The following FILIP1L variants were observed in gnomAD, a reference collection of about 807,000 sequenced individuals.
FILIP1L encodes the protein filamin A-interacting protein 1-like.
A neutral mutation model predicts 96.6 loss-of-function variants in FILIP1L; 55 were observed. The ratio of observed to expected loss-of-function variants is 0.57; its 90% CI spans 0.46 to 0.71. FILIP1L has a LOEUF of 0.71. Ranked by LOEUF, FILIP1L falls within the 30% of genes least tolerant of loss-of-function variation. The pLI is 0.00. For missense variants in FILIP1L, 1,304 were observed against 1,321.2 expected (o/e 0.99, Z 0.20); for synonymous variants, 467 against 473.9 (o/e 0.99, Z 0.19).
intron 4 of FILIP1L, 38 bp from the exon 5 acceptor site, chr3:99,851,108 G>T: frequency 1.3e-6 from 2 of 1,492,460 alleles, no homozygotes; most frequent in Non-Finnish European, 9.0e-7. Context: ...TGTGATTGAT[G>T]CTTTAGTAAC....
At chr3:99,883,643 T>G (rs571133316) in intron 4 of FILIP1L, among the ~76,000 whole-genome samples, 1 of 152,326 alleles carries the variant, frequency 6.6e-6, no homozygotes, top group Admixed American at 6.5e-5. Context: ...CCAAATGTTG[T>G]CATCATGTAC....
rs762244152 is a variant in FILIP1L, at chr3:99,848,808, T to G, written c.2868A>C (p.Pro956=). ...CTTCGGTAGAGGTTTTGGACTTTAC[T>G]GGTGTTATGGAGGCGTTTTGGAGGA... is the stretch of plus-strand genomic sequence containing the variant. ...ITILQNASIT[P]VKSKTSTEDL... Residue 956 remains proline, a synonymous_variant, in exon 5 of 6, where the codon CCA becomes CCC. Coordinates refer to ENST00000477258, the MANE Select transcript of FILIP1L (RefSeq NM_001387850.1). 21 of 1,614,052 alleles carry G rather than the reference T, an allele frequency of 1.3e-5. No homozygotes were observed. The South Asian group carries it at 2.3e-4, about 18-fold the overall frequency.
rs1330383301 is a variant in FILIP1L, at chr3:99,830,552, A to G, written c.3435T>C (p.Ser1145=). Reference sequence around the variant, plus strand: ...TAGTGGAAATCTTGGTGATGCCTGTAGATTTCGGTTTAGGGATCCGTGCTG... The same window carrying G: ...TAGTGGAAATCTTGGTGATGCCTGTGGATTTCGGTTTAGGGATCCGTGCTG... ...RIPARIPKPK[S]TGITKISTKA... The change falls in exon 6 of 6, where the codon TCT becomes TCC. Residue 1145 remains serine, a synonymous_variant. Coordinates refer to ENST00000477258, the MANE Select transcript of FILIP1L (RefSeq NM_001387850.1). 6.6e-6 allele frequency: 3 copies of G among 456,600 alleles called. No homozygotes were observed. The highest frequency in any genetic ancestry group is 8.8e-6 in the Non-Finnish European group (2 of 226,978). 28.3% of individuals were successfully genotyped at this position (456,600 alleles called of 1,614,324 possible).
intron 1 of FILIP1L, among the ~76,000 whole-genome samples, chr3:100,080,022 A>G (rs1435593950): frequency 1.3e-5 from 2 of 152,230 alleles, no homozygotes; most frequent in African/African-American, 4.8e-5. Flanking sequence ...TCACCATATG[A>G]GAAATTAAAT....
intron 4 of FILIP1L, among the ~76,000 whole-genome samples, chr3:99,868,857 C>T (rs1459004537): frequency 6.6e-6 from 1 of 152,180 alleles, no homozygotes; most frequent in East Asian, 1.9e-4. Context: ...CCCCACAGCC[C>T]TTACAGCTTT....
chr3:99,847,052 G>A (rs370972662), intron 5 of FILIP1L, among the ~76,000 whole-genome samples: 2 of 152,168 alleles, frequency 1.3e-5, no homozygotes, highest in Non-Finnish European at 2.9e-5. Context: ...ATTCGGCTGA[G>A]TTATTCTCAT....
intron 4 of FILIP1L, among the ~76,000 whole-genome samples, chr3:99,867,060 C>T (rs1308346390): frequency 6.6e-6 from 1 of 152,166 alleles, no homozygotes; most frequent in East Asian, 1.9e-4. Context: ...ACTTCCTTTC[C>T]TGTAAGTTGG....
intron 5 of FILIP1L, among the ~76,000 whole-genome samples, chr3:99,838,974 C>T (rs1943014637): frequency 6.6e-6 from 1 of 152,156 alleles, no homozygotes; most frequent in Non-Finnish European, 1.5e-5. Flanking sequence ...CTGCCCCAAC[C>T]ATCTCAACTT....
At chr3:100,037,140 G>C (rs900573133) in intron 1 of FILIP1L, among the ~76,000 whole-genome samples, 4 of 150,964 alleles carry the variant, frequency 2.6e-5, no homozygotes, top group Non-Finnish European at 5.9e-5. Flanking sequence ...ATAAAATGTG[G>C]GGATGAAACA....
intron 1 of FILIP1L, among the ~76,000 whole-genome samples, chr3:100,071,316 C>G (rs2065760105): frequency 6.6e-6 from 1 of 152,056 alleles, no homozygotes; most frequent in Non-Finnish European, 1.5e-5. Context: ...ATCAAGAAGA[C>G]AGTAAGGGAC....
intron 4 of FILIP1L, among the ~76,000 whole-genome samples, chr3:99,881,690 G>C (rs1327522157): frequency 6.6e-6 from 1 of 151,912 alleles, no homozygotes; most frequent in Non-Finnish European, 1.5e-5. Flanking sequence ...GTGCTACCAC[G>C]CCTGGCTAAT....
intron 1 of FILIP1L, among the ~76,000 whole-genome samples, chr3:100,013,214 G>GTGT (rs35047568): frequency 0.18 from 25,714 of 145,398 alleles, 2,287 homozygotes; most frequent in Non-Finnish European, 0.18. Flanking sequence ...GGCCAGTGAG[G>GTGT]TGTTGTTGTT....
chr3:99,885,420 G>A (rs1293764278), intron 4 of FILIP1L, among the ~76,000 whole-genome samples: 1 of 152,180 alleles, frequency 6.6e-6, no homozygotes, highest in Non-Finnish European at 1.5e-5. Flanking sequence ...ACTAGACTAT[G>A]CCCCTTAGAG....
Position 99,982,862 on chromosome 3 carries a change from A to G in FILIP1L, c.-10-51832T>C, listed in dbSNP as rs146904196. Among the ~76,000 whole-genome samples the G allele has an allele frequency of 5.9e-5, 9 of 152,350 alleles. No individual in the cohort carries two copies. The East Asian group carries it at 1.7e-3, about 29-fold the overall frequency. On this transcript the variant is annotated intron_variant, in intron 1 of 5. Transcript: ENST00000477258. ...TAATTTATGCAGCAATAAAAAATAA[A>G]TAAATTCATATAATGTAGGCTTGCA...
intron 4 of FILIP1L, among the ~76,000 whole-genome samples, chr3:99,877,332 T>G (rs1396698730): frequency 1.3e-5 from 2 of 152,210 alleles, no homozygotes; most frequent in Non-Finnish European, 2.9e-5. Context: ...CAAACAAGAA[T>G]GACGAAAATA....
intron 5 of FILIP1L, among the ~76,000 whole-genome samples, chr3:99,839,853 T>G (rs1003263221): frequency 6.6e-6 from 1 of 152,202 alleles, no homozygotes; most frequent in African/African-American, 2.4e-5. Context: ...TTCTCATCTC[T>G]AGACACCAGA....
chr3:100,018,532 C>T (rs1486270417), intron 1 of FILIP1L, among the ~76,000 whole-genome samples: 1 of 151,982 alleles, frequency 6.6e-6, no homozygotes, highest in East Asian at 1.9e-4. Context: ...ACCTTTATCT[C>T]ACACCATCTA....
At chr3:99,852,018 C>T (rs1943721910) in intron 4 of FILIP1L, among the ~76,000 whole-genome samples, 1 of 152,214 alleles carries the variant, frequency 6.6e-6, no homozygotes, top group Admixed American at 6.5e-5. Context: ...ATAATTCCCT[C>T]TTAAATGATG....
At chr3:100,003,273 A>G (rs1226175106) in intron 1 of FILIP1L, among the ~76,000 whole-genome samples, 2 of 152,336 alleles carry the variant, frequency 1.3e-5, no homozygotes, top group East Asian at 3.9e-4. Context: ...CAAGTTACAC[A>G]TTGACTCAGT....
Sources: gnomAD v4.1 joint callset for allele counts (sites outside exome capture counted in the v4.1 genomes callset) on GRCh38, gnomAD v4.1.1 for gene constraint, MANE v1.5 for transcripts, NCBI Gene and HGNC (gene_info 2026-07-23, HGNC 2026-07-21) for gene names.